Variants in RELN observed in about 807,000 individuals in gnomAD.
RELN encodes the protein reelin.
RELN carries 108 observed loss-of-function variants against 427.6 expected under a neutral mutation model. The observed-to-expected ratio is 0.25, with a 90% CI of 0.22 to 0.30. The LOEUF (loss-of-function observed/expected upper bound fraction) is 0.30, where lower values mean the gene tolerates loss of function less well. Ranked by LOEUF, RELN falls within the 10% of genes least tolerant of loss-of-function variation. RELN has a pLI of 1.00. For missense variants in RELN, 3,715 were observed against 4,302.8 expected, an observed-to-expected ratio of 0.86 and a Z score of 3.82; for synonymous variants, 1,524 against 1,513.4, an observed-to-expected ratio of 1.01 and a Z score of -0.16.
intron 8 of RELN, among the ~76,000 whole-genome samples, chr7:103,718,578 G>C (rs1011189555): frequency 6.6e-6 from 1 of 152,032 alleles, no homozygotes; most frequent in African/African-American, 2.4e-5. Flanking sequence ...CATTGACTGT[G>C]GTCCTCAGAT....
intron 9 of RELN, among the ~76,000 whole-genome samples, chr7:103,698,479 C>T (rs1408549697): frequency 6.6e-6 from 1 of 152,196 alleles, no homozygotes; most frequent in African/African-American, 2.4e-5. Context: ...CAATCTAAAA[C>T]AGGTTACCCA....
chr7:103,846,129 C>A (rs1468971502), intron 2 of RELN, among the ~76,000 whole-genome samples: 1 of 152,140 alleles, frequency 6.6e-6, no homozygotes, highest in Non-Finnish European at 1.5e-5. Context: ...CCAAGACAAT[C>A]CTAAGCAAAA....
At chr7:103,753,143 A>T in intron 5 of RELN, 39 bp downstream of exon 5, 1 of 1,607,272 alleles carries the variant, frequency 6.2e-7, no homozygotes, top group Non-Finnish European at 8.5e-7. Flanking sequence ...AAGTAGATCA[A>T]GTACTAAAGT....
At chr7:103,800,397 G>C (rs1383880039) in intron 3 of RELN, among the ~76,000 whole-genome samples, 1 of 152,004 alleles carries the variant, frequency 6.6e-6, no homozygotes, top group Non-Finnish European at 1.5e-5. Context: ...TTGCTACAAA[G>C]AGAATAAAAT....
rs768697715 is a variant in RELN at position 103,603,553 on chromosome 7, G to A, written c.3147-63C>T. Reference sequence around the variant, plus strand: ...CCACCTGCCAATGCAATGGCCCTCTGACCTCAACCATTTCCCATGTCTTAC... The same window carrying A: ...CCACCTGCCAATGCAATGGCCCTCTAACCTCAACCATTTCCCATGTCTTAC... On this transcript the variant is annotated intron_variant, in intron 23 of 64. Transcript: ENST00000428762. The surrounding 1 kb of genome is among the most constrained non-coding windows in gnomAD (Gnocchi z 4.3). The A allele has an allele frequency of 3.9e-5, 47 of 1,200,392 alleles. No individual in the cohort carries two copies. The highest frequency in any genetic ancestry group is 5.2e-5 in the Non-Finnish European group (42 of 803,770). 74.4% of individuals were successfully genotyped at this position (1,200,392 alleles called of 1,614,324 possible).
intron 27 of RELN, among the ~76,000 whole-genome samples, chr7:103,590,560 A>G (rs942314058): frequency 2.0e-4 from 16 of 80,468 alleles, no homozygotes; most frequent in African/African-American, 8.9e-4. Context: ...ACTCCATCTC[A>G]ACAATAAATA....
chr7:103,502,030 A>C (rs1482961554), intron 52 of RELN, among the ~76,000 whole-genome samples: 2 of 152,212 alleles, frequency 1.3e-5, no homozygotes, highest in Non-Finnish European at 2.9e-5. Context: ...TGGACAGCAG[A>C]TATTCTCTTA....
intron 60 of RELN, among the ~76,000 whole-genome samples, chr7:103,487,693 T>C (rs559734463): frequency 6.6e-6 from 1 of 152,330 alleles, no homozygotes; most frequent in African/African-American, 2.4e-5. Flanking sequence ...TAGTGAACTC[T>C]CACCCTGGTA....
chr7:103,544,780 C>G (rs1252201967), intron 42 of RELN, among the ~76,000 whole-genome samples: 6 of 152,102 alleles, frequency 3.9e-5, no homozygotes, highest in Non-Finnish European at 8.8e-5. Flanking sequence ...AAAGCAGTAA[C>G]AGGAATTTAT....
intron 25 of RELN, among the ~76,000 whole-genome samples, 194 bp from the exon 26 acceptor site, chr7:103,594,686 T>G (rs1831498040): frequency 6.6e-6 from 1 of 152,206 alleles, no homozygotes; most frequent in Non-Finnish European, 1.5e-5. Flanking sequence ...CCTGGTCATG[T>G]TTATTTCATT....
intron 20 of RELN, 144 bp downstream of exon 20, chr7:103,629,796 T>C: frequency 2.8e-6 from 2 of 712,148 alleles, no homozygotes. Flanking sequence ...TGTAACAACC[T>C]GAAAACAGTA....
chr7:103,496,492 A>G, intron 56 of RELN, 34 bp downstream of exon 56: 1 of 1,614,102 alleles, frequency 6.2e-7, no homozygotes, highest in Non-Finnish European at 8.5e-7. Context: ...AATGGCTCAC[A>G]GGAAAGAAAA....
intron 61 of RELN, chr7:103,484,592 T>C (rs539931792): frequency 6.6e-6 from 1 of 152,664 alleles, no homozygotes; most frequent in Admixed American, 6.5e-5. Context: ...AATTTATTTA[T>C]ATTGTCTTCT....
intron 60 of RELN, 103 bp from the exon 61 acceptor site, chr7:103,486,519 G>A: frequency 7.5e-6 from 6 of 801,918 alleles, no homozygotes; most frequent in South Asian, 1.5e-5. Context: ...GTTACTGTAA[G>A]AATGGCAAAA....
At chr7:103,722,194 A>G (rs148719655) in intron 8 of RELN, among the ~76,000 whole-genome samples, 2,053 of 152,276 alleles carry the variant, frequency 0.013, 29 homozygotes, top group Non-Finnish European at 0.018. Context: ...GTGATGAAAA[A>G]GTGACAAATA....
chr7:103,946,641 T>A (rs1478997327), intron 1 of RELN, among the ~76,000 whole-genome samples: 2 of 152,216 alleles, frequency 1.3e-5, no homozygotes, highest in Non-Finnish European at 2.9e-5. Flanking sequence ...TTGGAATTAT[T>A]ACACTTTACT....
chr7:103,618,908 C>T (rs1004452382), intron 20 of RELN, among the ~76,000 whole-genome samples: 5 of 152,142 alleles, frequency 3.3e-5, no homozygotes, highest in South Asian at 2.1e-4. Context: ...GTCAGGAGAT[C>T]GAAACCATCC....
In RELN at chr7:103,603,642, A is replaced by C; in HGVS notation, c.3147-152T>G. 1.4e-6 allele frequency: 1 copy of C among 700,274 alleles called. No individual in the cohort carries two copies. The highest frequency in any genetic ancestry group is 2.6e-6 in the Non-Finnish European group (1 of 384,090). The allele number at this position is 700,274 out of a possible 1,614,324, so 43.4% of individuals were successfully genotyped here. ...TACAGTGTTAATCTGGGTATGCGGT[A>C]GTAACAACCCTCAGTTTTTCATACT... is the stretch of plus-strand genomic sequence containing the variant. On this transcript the variant is annotated intron_variant, in intron 23 of 64. Transcript: ENST00000428762. This position sits in a 1 kb window ranked among gnomAD's most constrained non-coding sequence, Gnocchi z 4.3.
At chr7:103,518,721 GTCTTC>G (rs1829633409) in intron 49 of RELN, among the ~76,000 whole-genome samples, 1 of 151,480 alleles carries the variant, frequency 6.6e-6, no homozygotes, top group African/African-American at 2.4e-5. Flanking sequence ...CATTCTTTCT[GTCTTC>G]TCTTTTCTTA....
Sources: gnomAD v4.1 joint callset for allele counts (sites outside exome capture counted in the v4.1 genomes callset) on GRCh38, gnomAD v4.1.1 for gene constraint, Gnocchi (gnomAD v3.1) non-coding constraint, MANE v1.5 for transcripts, NCBI Gene and HGNC (gene_info 2026-07-23, HGNC 2026-07-21) for gene names.